Variants in CNTNAP2 observed in about 807,000 individuals in gnomAD.
CNTNAP2 encodes contactin associated protein 2, also known as contactin-associated protein-like 2.
CNTNAP2 carries 98 observed loss-of-function variants against 155.2 expected under a neutral mutation model. That is an observed-to-expected ratio of 0.63 (90% CI 0.54 to 0.75). CNTNAP2 has a LOEUF of 0.75. Ranked by LOEUF, CNTNAP2 falls within the 30% of genes least tolerant of loss-of-function variation. The pLI is 0.00. For synonymous variants in CNTNAP2, 651 were observed against 631.2 expected (o/e 1.03, Z -0.47); for missense variants, 1,727 against 1,688.1 (o/e 1.02, Z -0.40).
In CNTNAP2 at chr7:146,322,982, CAG is replaced by C. The variant is rs200648881; in HGVS notation, c.97+206012_97+206013del. Among the ~76,000 whole-genome samples, 829 of 152,062 alleles carry C rather than the reference CAG, an allele frequency of 5.5e-3. 7 individuals are homozygous for C. The highest frequency in any genetic ancestry group is 0.019 in the African/African-American group (792 of 41,478). ...TATCTTTCAGATAATATAGCATCAT[CAG>C]AGTCTTTGGATTTAGAGCCAAAAGA... On this transcript the variant is annotated intron_variant, in intron 1 of 23. Transcript: ENST00000361727.
intron 1 of CNTNAP2, among the ~76,000 whole-genome samples, chr7:146,463,629 T>C (rs899953040): frequency 6.6e-6 from 1 of 152,058 alleles, no homozygotes; most frequent in Non-Finnish European, 1.5e-5. Context: ...TATATGCACA[T>C]GTATGAATAC....
intron 13 of CNTNAP2, among the ~76,000 whole-genome samples, chr7:147,792,653 T>C (rs952122024): frequency 6.6e-5 from 10 of 152,200 alleles, no homozygotes; most frequent in African/African-American, 2.4e-4. Context: ...TAATAATGCT[T>C]CTATGACCAT....
chr7:147,669,364 G>A (rs1438813540), intron 13 of CNTNAP2, among the ~76,000 whole-genome samples: 1 of 152,158 alleles, frequency 6.6e-6, no homozygotes, highest in Non-Finnish European at 1.5e-5. Flanking sequence ...ATATTACTAT[G>A]TTAAAATGAA....
At chr7:147,558,978 A>T (rs375124705) in intron 11 of CNTNAP2, among the ~76,000 whole-genome samples, 1 of 152,058 alleles carries the variant, frequency 6.6e-6, no homozygotes, top group East Asian at 1.9e-4. Context: ...CTTGACCTTC[A>T]GCCCACGTTG....
At chr7:147,616,996 C>T (rs535274712) in intron 12 of CNTNAP2, among the ~76,000 whole-genome samples, 38 of 152,168 alleles carry the variant, frequency 2.5e-4, no homozygotes, top group Non-Finnish European at 5.0e-4. Flanking sequence ...GACCTTTCAA[C>T]CTATGCTGCA....
At chr7:146,305,450 G>T (rs549723471) in intron 1 of CNTNAP2, among the ~76,000 whole-genome samples, 1 of 152,198 alleles carries the variant, frequency 6.6e-6, no homozygotes, top group East Asian at 1.9e-4. Context: ...CATACAGATG[G>T]GGTTTTGGTG....
At position 146,483,902 on chromosome 7, in the gene CNTNAP2, T is replaced by C. The variant is rs564045675; in HGVS notation, c.98-290369T>C. On this transcript the variant is annotated intron_variant, in intron 1 of 23. Transcript: ENST00000361727. ...ACACAACGAGTATAATCTAATTGTA[T>C]AGTGTTTATAAAGTCTATAGTAGTG... 4.2e-4 allele frequency among the ~76,000 whole-genome samples: 64 copies of C among 152,196 alleles called. 1 individual carries two copies. In the South Asian group the frequency reaches 0.013, roughly 31 times the overall value.
rs980958523 is a variant in CNTNAP2 at position 148,081,310 on chromosome 7, CAA to C, written c.2384-36806_2384-36805del. 1.5e-4 allele frequency among the ~76,000 whole-genome samples: 23 copies of C among 151,998 alleles called. 1 individual carries two copies. Among genetic ancestry groups the C allele is most frequent in the Non-Finnish European group, 4.4e-5 (3 of 68,000 alleles). On this transcript the variant is annotated intron_variant, in intron 15 of 23. Coordinates refer to ENST00000361727, the MANE Select transcript of CNTNAP2 (RefSeq NM_014141.6). ...GTCAACGTGATTGGATTGAAGGATG[CAA>C]AGTATTGATCTTGGGTGTGTATGTG...
rs539907846 is a variant in CNTNAP2, at chr7:147,404,217, C to T, written c.1670+8437C>T. 2.6e-5 allele frequency among the ~76,000 whole-genome samples: 4 copies of T among 152,284 alleles called. 1 individual carries two copies. The highest frequency in any genetic ancestry group is 9.6e-5 in the African/African-American group (4 of 41,546). On this transcript the variant is annotated intron_variant, in intron 10 of 23. Coordinates refer to ENST00000361727, the MANE Select transcript of CNTNAP2 (RefSeq NM_014141.6). ...CTCTACATTTGCTCAATCCTGACAT[C>T]GTTGTGACTGTGATCCCATCAAACT... is the stretch of plus-strand genomic sequence containing the variant.
intron 12 of CNTNAP2, among the ~76,000 whole-genome samples, chr7:147,578,434 T>G (rs1418265374): frequency 2.0e-5 from 3 of 152,264 alleles, no homozygotes; most frequent in African/African-American, 7.2e-5. Flanking sequence ...CGGTTCAATT[T>G]GTCTTTGGCT....
intron 21 of CNTNAP2, among the ~76,000 whole-genome samples, chr7:148,268,736 T>C (rs916791634): frequency 6.6e-6 from 1 of 152,072 alleles, no homozygotes; most frequent in African/African-American, 2.4e-5. Context: ...TTGACAGATA[T>C]TAGCCCATTC....
chr7:147,355,132 C>T (rs1796040650), intron 9 of CNTNAP2, among the ~76,000 whole-genome samples: 1 of 151,924 alleles, frequency 6.6e-6, no homozygotes, highest in Admixed American at 6.6e-5. Flanking sequence ...CAGATCATGG[C>T]CATTGTTTCG....
chr7:147,126,347 T>G (rs965640790), intron 6 of CNTNAP2, among the ~76,000 whole-genome samples: 1 of 152,230 alleles, frequency 6.6e-6, no homozygotes, highest in African/African-American at 2.4e-5. Flanking sequence ...ATGTATCATA[T>G]GAGCCACAGG....
chr7:147,949,990 G>A (rs1800897464), intron 14 of CNTNAP2, among the ~76,000 whole-genome samples: 1 of 152,144 alleles, frequency 6.6e-6, no homozygotes, highest in South Asian at 2.1e-4. Flanking sequence ...GCTCTCAGAA[G>A]CTAAATGCAA....
intron 15 of CNTNAP2, among the ~76,000 whole-genome samples, chr7:148,065,164 T>A (rs373069307): frequency 1.3e-5 from 2 of 152,338 alleles, no homozygotes; most frequent in South Asian, 4.1e-4. Flanking sequence ...GTACTTGATA[T>A]AATTTCAATT....
chr7:146,208,366 T>C (rs1389553417), intron 1 of CNTNAP2, among the ~76,000 whole-genome samples: 1 of 152,118 alleles, frequency 6.6e-6, no homozygotes, highest in Non-Finnish European at 1.5e-5. Context: ...TATATTTCAC[T>C]CTCTTCTGTC....
intron 1 of CNTNAP2, among the ~76,000 whole-genome samples, chr7:146,535,485 A>C (rs1797853970): frequency 1.7e-5 from 2 of 119,194 alleles, no homozygotes; most frequent in Non-Finnish European, 1.6e-5. Context: ...AAATCTCTTA[A>C]AATAATTTTT....
chr7:147,191,059 A>C (rs1802670803), intron 8 of CNTNAP2, among the ~76,000 whole-genome samples: 1 of 152,182 alleles, frequency 6.6e-6, no homozygotes, highest in Non-Finnish European at 1.5e-5. Context: ...AAGAAAGAAA[A>C]GAAGAAAAGG....
intron 14 of CNTNAP2, among the ~76,000 whole-genome samples, chr7:147,921,557 G>A (rs1183034089): frequency 2.0e-5 from 3 of 152,036 alleles, no homozygotes; most frequent in African/African-American, 7.2e-5. Context: ...CCTAATTTTT[G>A]AGTTCCTGTT....
Sources: gnomAD v4.1 joint callset for allele counts (sites outside exome capture counted in the v4.1 genomes callset) on GRCh38, gnomAD v4.1.1 for gene constraint, MANE v1.5 for transcripts, NCBI Gene and HGNC (gene_info 2026-07-23, HGNC 2026-07-21) for gene names.